Variants in TATDN2 observed in about 807,000 individuals in gnomAD.
TATDN2 encodes 3'-5' RNA nuclease TATDN2.
Under a neutral mutation model 60.3 loss-of-function variants are expected in TATDN2, and 44 were observed. The ratio of observed to expected loss-of-function variants is 0.73; its 90% CI spans 0.57 to 0.94. The LOEUF (loss-of-function observed/expected upper bound fraction) is 0.94, where lower values mean the gene tolerates loss of function less well. TATDN2 is among the 40% of genes least tolerant of loss of function. The probability of loss-of-function intolerance (pLI) is 0.00; values close to 1 mark genes in which losing one functional copy is unlikely to be tolerated. For missense variants in TATDN2, 997 were observed against 948.0 expected (o/e 1.05, Z -0.68); for synonymous variants, 399 against 355.8 (o/e 1.12, Z -1.37).
intron 3 of TATDN2, among the ~76,000 whole-genome samples, chr3:10,263,153 C>T (rs1698431396): frequency 6.6e-6 from 1 of 151,712 alleles, no homozygotes; most frequent in Non-Finnish European, 1.5e-5. Flanking sequence ...CCCGGCTCAG[C>T]CTCCCAAAGT....
At chr3:10,261,072 T>C (rs1698395045) in intron 3 of TATDN2, among the ~76,000 whole-genome samples, 1 of 152,220 alleles carries the variant, frequency 6.6e-6, no homozygotes, top group African/African-American at 2.4e-5. Flanking sequence ...GATACTCTGA[T>C]AGGACTCAGG....
At chr3:10,265,070 A>AT (rs35741857) in intron 3 of TATDN2, among the ~76,000 whole-genome samples, 43,007 of 87,126 alleles carry the variant, frequency 0.49, 9,802 homozygotes, top group East Asian at 0.97. Context: ...ATTGCTGCCA[A>AT]TTTTTTTTTC....
Position 10,278,915 on chromosome 3 carries a change from C to G in TATDN2, c.2176C>G (p.Pro726Ala), listed in dbSNP as rs779106599. ...VPKSLCQYAH[P>A]GLALHTVREI... ...CAAAAGCCTTTGCCAGTATGCCCACCCGGGCCTGGCCTTGCATACGGTCCG... is the reference window on the plus strand; with the variant it reads ...CAAAAGCCTTTGCCAGTATGCCCACGCGGGCCTGGCCTTGCATACGGTCCG... Residue 726 changes from proline (P) to alanine (A), a missense_variant, in exon 7 of 8, where the codon CCG becomes GCG. Transcript: ENST00000448281. This position sits in a 1 kb window ranked among gnomAD's most constrained non-coding sequence, Gnocchi z 4.7. 6.2e-7 allele frequency: 1 copy of G among 1,613,342 alleles called. No homozygotes were observed. The highest frequency in any genetic ancestry group is 8.5e-7 in the Non-Finnish European group (1 of 1,179,798).
intron 2 of TATDN2, among the ~76,000 whole-genome samples, chr3:10,254,483 T>A (rs950285364): frequency 1.3e-5 from 2 of 152,302 alleles, no homozygotes; most frequent in African/African-American, 4.8e-5. Context: ...CTTGCGTGTT[T>A]GGAGGAAGGC....
At chr3:10,262,287 A>G (rs1188544189) in intron 3 of TATDN2, among the ~76,000 whole-genome samples, 1 of 152,034 alleles carries the variant, frequency 6.6e-6, no homozygotes, top group Non-Finnish European at 1.5e-5. Context: ...GTCTTCTGCT[A>G]CCTATACTCT....
chr3:10,262,174 A>G (rs1182151788), intron 3 of TATDN2, among the ~76,000 whole-genome samples: 1 of 152,168 alleles, frequency 6.6e-6, no homozygotes, highest in Admixed American at 6.5e-5. Context: ...TTGGAGGTAT[A>G]CGTCCTCAGC....
rs138719601 is a variant in TATDN2 at position 10,255,330 on chromosome 3, T to C, written c.415-4807T>C. The stretch of plus-strand genomic sequence containing the variant: ...TGCCCAGCCAACAGTGTTTCTCACT[T>C]TCATATTTCATTACTCCTTTCCCTT... On this transcript the variant is annotated intron_variant, in intron 2 of 7. Coordinates refer to ENST00000448281, the MANE Select transcript of TATDN2 (RefSeq NM_014760.4). Among the ~76,000 whole-genome samples, 1,278 of 152,152 alleles carry C rather than the reference T, an allele frequency of 8.4e-3. 9 individuals carry two copies. Among genetic ancestry groups the C allele is most frequent in the Non-Finnish European group, 0.011 (775 of 67,994 alleles).
chr3:10,276,255 A>C, intron 4 of TATDN2, 106 bp from the exon 5 acceptor site: 1 of 1,392,826 alleles, frequency 7.2e-7, no homozygotes, highest in Non-Finnish European at 9.7e-7. Context: ...TTATATAGTT[A>C]AAAAAAGAGA....
At chr3:10,257,518 A>G (rs1559460127) in intron 2 of TATDN2, among the ~76,000 whole-genome samples, 1 of 147,402 alleles carries the variant, frequency 6.8e-6, no homozygotes, top group East Asian at 2.1e-4. Context: ...AATCCCAGGT[A>G]CTTGGGAGGC....
rs1165442379 is a variant in TATDN2 at position 10,276,352 on chromosome 3, C to T, written c.1834-9C>T. The T allele has an allele frequency of 6.2e-7, 1 of 1,613,540 alleles. No individual in the cohort carries two copies. The highest frequency in any genetic ancestry group is 8.5e-7 in the Non-Finnish European group (1 of 1,179,772). On this transcript the variant is annotated splice_polypyrimidine_tract_variant and intron_variant, in intron 4 of 7. Transcript: ENST00000448281. ...AACCAACAGGGGTTGTCGCTGTGTC[C>T]TCTCCTAGGTATTTGAGAGACAGCT...
At chr3:10,269,374 C>A (rs1219696619) in intron 3 of TATDN2, among the ~76,000 whole-genome samples, 4 of 152,212 alleles carry the variant, frequency 2.6e-5, no homozygotes, top group Non-Finnish European at 4.4e-5. Context: ...ACCCCACTCT[C>A]AATGGGGAGA....
chr3:10,278,982 T>A lies in TATDN2; in HGVS notation c.2243T>A (p.Leu748Ter). 6.2e-7 allele frequency: 1 copy of A among 1,614,264 alleles called. No individual in the cohort carries two copies. The highest frequency in any genetic ancestry group is 8.5e-7 in the Non-Finnish European group (1 of 1,180,040). ...RVKDQPLSLT[L>*]AALRENTSRL... is the part of the protein sequence containing the mutation. The stretch of plus-strand genomic sequence containing the variant: ...AAAGATCAGCCACTCTCCCTCACCT[T>A]GGCTGCCTTGCGTGAGAACACCAGT... The change falls in exon 7 of 8, where the codon TTG (leucine) becomes TAG (stop). Residue 748 changes from leucine (L) to a stop codon, truncating the protein, a stop_gained. Coordinates refer to ENST00000448281, the MANE Select transcript of TATDN2 (RefSeq NM_014760.4). LOFTEE classifies it high-confidence loss of function. This position sits in a 1 kb window ranked among gnomAD's most constrained non-coding sequence, Gnocchi z 4.7.
Position 10,249,235 on chromosome 3 carries a change from G to A in TATDN2, c.35G>A (p.Trp12Ter). 2 of 1,549,058 alleles carry A rather than the reference G, an allele frequency of 1.3e-6. No homozygotes were observed. The highest frequency in any genetic ancestry group is 1.7e-6 in the Non-Finnish European group (2 of 1,145,850). ...GAGCGGGGCAAGGTCAAGCACAACT[G>A]GAGCAGCACGTCGGAAGGGTGTCCC... is the stretch of plus-strand genomic sequence containing the variant. ...ASERGKVKHN[W>*]SSTSEGCPRK... is the part of the protein sequence containing the mutation. The change falls in exon 2 of 8, where the codon TGG (tryptophan) becomes TAG (stop). Residue 12 changes from tryptophan (W) to a stop codon, truncating the protein, a stop_gained. Transcript: ENST00000448281. LOFTEE classifies it high-confidence loss of function.
rs747572722 is a variant in TATDN2 at position 10,249,360 on chromosome 3, C to G, written c.160C>G (p.Arg54Gly). ...TTCTGGAGGGCCCAGCAGCCCCAAG[C>G]GCCTGAAAGCCCAGAAGGAGGACGA... is the stretch of plus-strand genomic sequence containing the variant. Reference protein sequence around the residue: ...SRSGGPSSPKRLKAQKEDDVA... With the variant: ...SRSGGPSSPKGLKAQKEDDVA... The change falls in exon 2 of 8, where the codon CGC (arginine) becomes GGC (glycine). Residue 54 changes from arginine (R) to glycine (G), a missense_variant. Arg to Gly is a moderately radical substitution (Grantham distance 125, BLOSUM62 -2). Coordinates refer to ENST00000448281, the MANE Select transcript of TATDN2 (RefSeq NM_014760.4). 3.1e-6 allele frequency: 5 copies of G among 1,612,490 alleles called. No individual in the cohort carries two copies.
chr3:10,260,050 A>T lies in TATDN2; in HGVS notation c.415-87A>T, dbSNP rs370836119. ...AGTCACTTTCCCTTTGACTGGTAGA[A>T]CCACCACTGATTTATAATTTGCCAA... On this transcript the variant is annotated intron_variant, in intron 2 of 7. Transcript: ENST00000448281. 4.8e-6 allele frequency: 7 copies of T among 1,450,890 alleles called. No homozygotes were observed. The African/African-American group carries it at 1.0e-4, about 21-fold the overall frequency. The allele number at this position is 1,450,890 out of a possible 1,614,324, so 89.9% of individuals were successfully genotyped here. A position where few individuals can be genotyped will look rare whatever the true frequency, so the allele number is the denominator to read the frequency against.
intron 4 of TATDN2, among the ~76,000 whole-genome samples, chr3:10,274,315 A>G (rs531394657): frequency 6.6e-6 from 1 of 152,230 alleles, no homozygotes; most frequent in Admixed American, 6.5e-5. Flanking sequence ...GTACAATACA[A>G]TTGCAAGGAA....
In TATDN2 at chr3:10,278,717, C is replaced by A; in HGVS notation, c.2146-168C>A. The A allele has an allele frequency of 8.9e-7, 1 of 1,125,284 alleles. No individual in the cohort carries two copies. The highest frequency in any genetic ancestry group is 1.3e-6 in the Non-Finnish European group (1 of 769,530). The allele number at this position is 1,125,284 out of a possible 1,614,324, so 69.7% of individuals were successfully genotyped here. On this transcript the variant is annotated intron_variant, in intron 6 of 7. Coordinates refer to ENST00000448281, the MANE Select transcript of TATDN2 (RefSeq NM_014760.4). This position sits in a 1 kb window ranked among gnomAD's most constrained non-coding sequence, Gnocchi z 4.7. ...TAGTCCAAGGAAGCGTGGGACCCTGCTCACCCAGAGCCCCCATGACTAGGA... is the reference window on the plus strand; with the variant it reads ...TAGTCCAAGGAAGCGTGGGACCCTGATCACCCAGAGCCCCCATGACTAGGA...
At position 10,248,966 on chromosome 3, in the gene TATDN2, G is replaced by C; in HGVS notation, c.-108G>C. 2.3e-6 allele frequency: 1 copy of C among 432,842 alleles called. No homozygotes were observed. Among genetic ancestry groups the C allele is most frequent in the Non-Finnish European group, 3.9e-6 (1 of 255,054 alleles). 26.8% of individuals were successfully genotyped at this position (432,842 alleles called of 1,614,324 possible). Reference sequence around the variant, plus strand: ...GCACGTTGTGGGCTTGGAAACCGACGGCAGCCTTTAGTCAATTTTGGATCG... The same window carrying C: ...GCACGTTGTGGGCTTGGAAACCGACCGCAGCCTTTAGTCAATTTTGGATCG... On this transcript the variant is annotated 5_prime_UTR_variant, in exon 1 of 8. Coordinates refer to ENST00000448281, the MANE Select transcript of TATDN2 (RefSeq NM_014760.4).
rs2075353 is a variant in TATDN2 at position 10,270,823 on chromosome 3, A to G, written c.1641A>G (p.Leu547=). ...ATCCCCGCACCCTGACAGATTGCCTATGGGAGGAGCTGTTGAAAGAGGATC... is the reference window on the plus strand; with the variant it reads ...ATCCCCGCACCCTGACAGATTGCCTGTGGGAGGAGCTGTTGAAAGAGGATC... The part of the protein sequence containing the change: ...FCDPRTLTDC[L]WEELLKEDLV... Residue 547 remains leucine, a synonymous_variant, in exon 4 of 8, where the codon CTA becomes CTG. Coordinates refer to ENST00000448281, the MANE Select transcript of TATDN2 (RefSeq NM_014760.4). 161,873 of 1,614,084 alleles carry G rather than the reference A, an allele frequency of 0.1. 9,721 individuals carry two copies. Among genetic ancestry groups the G allele is most frequent in the East Asian group, 0.29 (12,884 of 44,872 alleles).
Sources: allele counts gnomAD v4.1 joint callset (sites outside exome capture counted in the v4.1 genomes callset), GRCh38; gene constraint gnomAD v4.1.1; non-coding constraint Gnocchi (gnomAD v3.1); transcripts MANE v1.5; gene names NCBI Gene and HGNC (gene_info 2026-07-23, HGNC 2026-07-21).